The following IQSEC1 variants were observed in gnomAD, a reference collection of about 807,000 sequenced individuals.
IQSEC1 encodes the protein IQ motif and Sec7 domain ArfGEF 1.
A neutral mutation model predicts 91.0 loss-of-function variants in IQSEC1; 31 were observed. The ratio of observed to expected loss-of-function variants is 0.34; its 90% CI spans 0.26 to 0.46. The LOEUF (loss-of-function observed/expected upper bound fraction) is 0.46, where lower values mean the gene tolerates loss of function less well. IQSEC1 is among the 20% of genes least tolerant of loss of function. IQSEC1 has a pLI of 1.00. For synonymous variants in IQSEC1, 699 were observed against 662.6 expected, an observed-to-expected ratio of 1.05 and a Z score of -0.84; for missense variants, 1,388 against 1,575.6, an observed-to-expected ratio of 0.88 and a Z score of 2.02.
At chr3:13,022,107 C>T in intron 1 of IQSEC1, 1 of 1,231,890 alleles carries the variant, frequency 8.1e-7, no homozygotes, top group South Asian at 4.1e-5. Flanking sequence ...TCATGCCTGG[C>T]TCGGTGGAGG....
At chr3:13,060,289 A>G (rs986185257) in intron 1 of IQSEC1, among the ~76,000 whole-genome samples, 1 of 152,168 alleles carries the variant, frequency 6.6e-6, no homozygotes, top group African/African-American at 2.4e-5. Context: ...GGATGCAAAG[A>G]GGAGGCAGAT....
At chr3:13,246,517 A>T (rs9841645) in intron 1 of IQSEC1, among the ~76,000 whole-genome samples, 63,657 of 152,120 alleles carry the variant, frequency 0.42, 16,697 homozygotes, top group African/African-American at 0.75. Context: ...TTTTATGTGA[A>T]GCGTATTTTG....
At position 12,922,499 on chromosome 3, in the gene IQSEC1, G is replaced by A. The variant is rs1011720462; in HGVS notation, c.1731-257C>T. On this transcript the variant is annotated intron_variant, in intron 4 of 13. Transcript: ENST00000613206. This position sits in a 1 kb window ranked among gnomAD's most constrained non-coding sequence, Gnocchi z 5.1. ...TATTTATGCTGGCAGTTTTCCCAGT[G>A]GGGCAGAGCATATGGTTATCTGGAT... 6.6e-6 allele frequency among the ~76,000 whole-genome samples: 1 copy of A among 152,204 alleles called. No individual in the cohort carries two copies. The highest frequency in any genetic ancestry group is 2.4e-5 in the African/African-American group (1 of 41,458).
At chr3:13,039,915 G>A (rs888673706) in intron 1 of IQSEC1, among the ~76,000 whole-genome samples, 3 of 152,230 alleles carry the variant, frequency 2.0e-5, no homozygotes, top group Non-Finnish European at 2.9e-5. Flanking sequence ...TGGCACCACC[G>A]ACTGGCCATG....
chr3:12,999,003 A>C (rs1217844819), intron 1 of IQSEC1, among the ~76,000 whole-genome samples: 1 of 152,158 alleles, frequency 6.6e-6, no homozygotes, highest in African/African-American at 2.4e-5. Context: ...TTTTCACTGA[A>C]ATGTTTCATT....
chr3:12,964,429 T>C (rs1352112143), intron 1 of IQSEC1, among the ~76,000 whole-genome samples: 2 of 152,044 alleles, frequency 1.3e-5, no homozygotes, highest in African/African-American at 2.4e-5. Context: ...ATTCCACATG[T>C]CATCATAATT....
At chr3:13,111,910 A>G (rs1706252738) in intron 2 of IQSEC1, among the ~76,000 whole-genome samples, 1 of 152,214 alleles carries the variant, frequency 6.6e-6, no homozygotes, top group African/African-American at 2.4e-5. Flanking sequence ...GTAGATTATT[A>G]TAGGACTCCC....
chr3:12,920,454 C>T lies in IQSEC1; in HGVS notation c.1996G>A (p.Glu666Lys). 1 of 1,614,190 alleles carries T rather than the reference C, an allele frequency of 6.2e-7. No individual in the cohort carries two copies. Among genetic ancestry groups the T allele is most frequent in the Non-Finnish European group, 8.5e-7 (1 of 1,180,022 alleles). Residue 666 changes from glutamate (E) to lysine (K), a missense_variant, in exon 6 of 14, where the codon GAG becomes AAG. Glu to Lys is a moderately conservative substitution (Grantham distance 56). This residue lies in a region of IQSEC1 where 1,059 missense variants were observed against 1,317.8 expected (regional missense o/e 0.80). Transcript: ENST00000613206. ...CCTCGGAGGTTCTTGATGAAGTCCT[C>T]TAGCTTCATTTTCCGCTCGGGCTTG... is the stretch of plus-strand genomic sequence containing the variant. Reference protein sequence around the residue: ...NVKPERKMKLEDFIKNLRGVD... With the variant: ...NVKPERKMKLKDFIKNLRGVD...
chr3:13,032,544 A>G (rs1241536502), intron 1 of IQSEC1, among the ~76,000 whole-genome samples: 4 of 151,894 alleles, frequency 2.6e-5, no homozygotes, highest in Admixed American at 6.6e-5. Flanking sequence ...ATAGCCCCCC[A>G]TATTTTGAAC....
At chr3:13,081,291 C>A (rs778412663) in intron 2 of IQSEC1, among the ~76,000 whole-genome samples, 1 of 152,184 alleles carries the variant, frequency 6.6e-6, no homozygotes, top group African/African-American at 2.4e-5. Context: ...GTTTTAGAGA[C>A]AGGATCTTGC....
chr3:13,247,948 G>A (rs973037781), intron 1 of IQSEC1, among the ~76,000 whole-genome samples: 25 of 152,168 alleles, frequency 1.6e-4, no homozygotes, highest in Non-Finnish European at 2.9e-5. Context: ...CAGGACCGTG[G>A]GCCACTGTTC....
In IQSEC1 at chr3:12,987,322, C is replaced by T. The variant is rs548441306; in HGVS notation, c.24-45457G>A. On this transcript the variant is annotated intron_variant, in intron 1 of 13. Coordinates refer to ENST00000613206, the MANE Select transcript of IQSEC1 (RefSeq NM_001134382.3). ...CTGCCTTGTAGCGAGAGGTATGGTACGTGCTGGGGGCAGTGCAGGTAGGGA... is the reference window on the plus strand; with the variant it reads ...CTGCCTTGTAGCGAGAGGTATGGTATGTGCTGGGGGCAGTGCAGGTAGGGA... Among the ~76,000 whole-genome samples the T allele has an allele frequency of 3.3e-5, 5 of 152,320 alleles. No individual in the cohort carries two copies. In the South Asian group the frequency reaches 8.3e-4, roughly 25 times the overall value.
At chr3:13,039,956 T>C (rs9866154) in intron 1 of IQSEC1, among the ~76,000 whole-genome samples, 53,568 of 152,142 alleles carry the variant, frequency 0.35, 10,859 homozygotes, top group African/African-American at 0.57. Context: ...CTCCCCGTGC[T>C]TTGGTTTCTT....
intron 1 of IQSEC1, among the ~76,000 whole-genome samples, chr3:13,186,485 T>A (rs1693933643): frequency 6.6e-6 from 1 of 152,184 alleles, no homozygotes; most frequent in South Asian, 2.1e-4. Context: ...GGAATTGGAC[T>A]CTCTGGTATT....
At position 12,967,465 on chromosome 3, in the gene IQSEC1, G is replaced by A. The variant is rs1335303064; in HGVS notation, c.24-25600C>T. 19 of 1,510,462 alleles carry A rather than the reference G, an allele frequency of 1.3e-5. No individual in the cohort carries two copies. The highest frequency in any genetic ancestry group is 5.3e-5 in the East Asian group (2 of 37,516). The allele number at this position is 1,510,462 out of a possible 1,614,324, so 93.6% of individuals were successfully genotyped here. A position where few individuals can be genotyped will look rare whatever the true frequency, so the allele number is the denominator to read the frequency against. On this transcript the variant is annotated intron_variant, in intron 1 of 13. Coordinates refer to ENST00000613206, the MANE Select transcript of IQSEC1 (RefSeq NM_001134382.3). This position sits in a 1 kb window ranked among gnomAD's most constrained non-coding sequence, Gnocchi z 5.9. ...CAGGCACCACATGGCGGCCGCAGTG[G>A]GAGCGGGCCGGGCCGGGAGCCGGGA... is the stretch of plus-strand genomic sequence containing the variant.
rs144951472 is a variant in IQSEC1 at position 13,222,001 on chromosome 3, G to T, written c.273-57868C>A. Among the ~76,000 whole-genome samples, 411 of 152,326 alleles carry T rather than the reference G, an allele frequency of 2.7e-3. 7 individuals are homozygous for T. Among genetic ancestry groups the T allele is most frequent in the East Asian group, 0.02 (104 of 5,188 alleles). On this transcript the variant is annotated intron_variant, in intron 1 of 15. Transcript: ENST00000648114. ...ACAGCCCTGCAACCCCCAGAGGAGT[G>T]TCCCCTTTCCTTTTCATTATGGTAA...
chr3:13,073,558 C>A (rs1282347066), upstream of IQSEC1, among the ~76,000 whole-genome samples: 15 of 151,786 alleles, frequency 9.9e-5, no homozygotes, highest in African/African-American at 2.9e-4. Context: ...CGCGGCCGCT[C>A]GGCTGCGCCC....
At position 12,953,481 on chromosome 3, in the gene IQSEC1, G is replaced by A. The variant is rs1433155694; in HGVS notation, c.24-11616C>T. On this transcript the variant is annotated intron_variant, in intron 1 of 13. Transcript: ENST00000613206. ...ACGACTGTCACCCAGACCTCCAGAA[G>A]TGGCTTTTATATATATAGAAAAATA... 3.9e-5 allele frequency among the ~76,000 whole-genome samples: 6 copies of A among 152,344 alleles called. No individual in the cohort carries two copies. The East Asian group carries it at 7.7e-4, about 20-fold the overall frequency.
Position 13,232,380 on chromosome 3 carries a change from G to A in IQSEC1, c.272+50331C>T, listed in dbSNP as rs182654004. Among the ~76,000 whole-genome samples the A allele has an allele frequency of 5.3e-5, 8 of 152,356 alleles. No homozygotes were observed. The East Asian group carries it at 1.2e-3, about 22-fold the overall frequency. On this transcript the variant is annotated intron_variant, in intron 1 of 15. Transcript: ENST00000648114. ...GTCCACTGCCCCCAACCCAGGCTAG[G>A]TCTCTGTCCACCTCCCTGATGACCT...
Sources: allele counts gnomAD v4.1 joint callset (sites outside exome capture counted in the v4.1 genomes callset), GRCh38; gene constraint gnomAD v4.1.1; regional missense constraint gnomAD v4.1.1; non-coding constraint Gnocchi (gnomAD v3.1); transcripts MANE v1.5; gene names NCBI Gene and HGNC (gene_info 2026-07-23, HGNC 2026-07-21).